NRXN3: variants seen among roughly 807,000 people sequenced by gnomAD.
The protein encoded by NRXN3 is neurexin III.
NRXN3 carries 32 observed loss-of-function variants against 137.6 expected under a neutral mutation model. The observed-to-expected ratio is 0.23, with a 90% CI of 0.18 to 0.31. The LOEUF is 0.31. Among genes scored for constraint, NRXN3 ranks in the 10% least tolerant of loss-of-function variants. The pLI is 1.00. For synonymous variants in NRXN3, 798 were observed against 784.5 expected (o/e 1.02, Z -0.29); for missense variants, 1,574 against 2,062.5 (o/e 0.76, Z 4.59).
intron 17 of NRXN3, among the ~76,000 whole-genome samples, chr14:79,677,920 T>C (rs919702412): frequency 3.9e-5 from 6 of 152,160 alleles, no homozygotes; most frequent in South Asian, 4.1e-4. Flanking sequence ...TGGTTGTAGG[T>C]ATCATTGATG....
chr14:78,375,262 C>T (rs1597941980), intron 4 of NRXN3, among the ~76,000 whole-genome samples: 1 of 152,144 alleles, frequency 6.6e-6, no homozygotes. Flanking sequence ...AAAAACTTTG[C>T]CTCTTTGCAA....
At position 79,348,672 on chromosome 14, in the gene NRXN3, C is replaced by T. The variant is rs74248992; in HGVS notation, c.3263-118549C>T. 8.1e-3 allele frequency among the ~76,000 whole-genome samples: 1,237 copies of T among 152,252 alleles called. 24 individuals carry two copies. The South Asian group carries it at 0.082, about 10-fold the overall frequency. ...GATTACAGGCGTAAGCCACCGCGCC[C>T]GGCCTAATCTTCTTAATTTGTCACT... On this transcript the variant is annotated intron_variant, in intron 15 of 20. Transcript: ENST00000335750.
chr14:79,281,505 A>T (rs1486164513), intron 15 of NRXN3, among the ~76,000 whole-genome samples: 1 of 152,108 alleles, frequency 6.6e-6, no homozygotes, highest in Non-Finnish European at 1.5e-5. Context: ...TTTGTTTACT[A>T]TGCACTCCAC....
At chr14:79,714,950 CT>C (rs1241924474) in intron 19 of NRXN3, among the ~76,000 whole-genome samples, 5 of 151,952 alleles carry the variant, frequency 3.3e-5, no homozygotes, top group Non-Finnish European at 7.4e-5. Context: ...AAATCCTTTT[CT>C]TTTTTTTCTT....
intron 16 of NRXN3, among the ~76,000 whole-genome samples, chr14:79,498,247 G>T (rs1366367848): frequency 6.6e-6 from 1 of 152,080 alleles, no homozygotes; most frequent in African/African-American, 2.4e-5. Flanking sequence ...TTACTCCTGG[G>T]AACTATTAAC....
At chr14:79,566,785 A>G (rs1056588714) in intron 16 of NRXN3, among the ~76,000 whole-genome samples, 1 of 151,932 alleles carries the variant, frequency 6.6e-6, no homozygotes, top group Non-Finnish European at 1.5e-5. Flanking sequence ...TCTGTAAAAA[A>G]TCACTTAGTT....
At chr14:78,538,047 G>A (rs2096553299) in intron 4 of NRXN3, among the ~76,000 whole-genome samples, 1 of 152,156 alleles carries the variant, frequency 6.6e-6, no homozygotes, top group African/African-American at 2.4e-5. Flanking sequence ...GTAGCATGAT[G>A]CTTCCAGCTT....
At position 79,862,882 on chromosome 14, in the gene NRXN3, G is replaced by A. The variant is rs148494262; in HGVS notation, c.*918G>A. On this transcript the variant is annotated 3_prime_UTR_variant, in exon 21 of 21. Coordinates refer to ENST00000335750, the MANE Select transcript of NRXN3 (RefSeq NM_001330195.2). ...GTGTTATCAGAGCTATTGGCTTTAC[G>A]TAACAATATTGTTCCTGTCCATTCA... 3.0e-3 allele frequency: 450 copies of A among 152,514 alleles called. 5 individuals carry two copies. Among genetic ancestry groups the A allele is most frequent in the Non-Finnish European group, 1.9e-3 (129 of 68,018 alleles). The allele number at this position is 152,514 out of a possible 1,614,324, so 9.4% of individuals were successfully genotyped here. A position where few individuals can be genotyped will look rare whatever the true frequency, so the allele number is the denominator to read the frequency against.
chr14:79,143,410 T>C (rs1343890048), intron 15 of NRXN3, among the ~76,000 whole-genome samples: 1 of 152,210 alleles, frequency 6.6e-6, no homozygotes, highest in Non-Finnish European at 1.5e-5. Flanking sequence ...GGAGGGGGCA[T>C]TGCAGCATCT....
chr14:78,210,259 A>G (rs1595932596), intron 1 of NRXN3, among the ~76,000 whole-genome samples: 1 of 152,188 alleles, frequency 6.6e-6, no homozygotes, highest in Non-Finnish European at 1.5e-5. Context: ...GGTGTCTTCA[A>G]TGTGTGCTCA....
intron 20 of NRXN3, among the ~76,000 whole-genome samples, chr14:79,809,696 T>C (rs943516742): frequency 3.3e-5 from 5 of 152,250 alleles, no homozygotes; most frequent in African/African-American, 7.2e-5. Context: ...ATGTTAATTG[T>C]GTTCTTCACA....
intron 15 of NRXN3, among the ~76,000 whole-genome samples, chr14:79,065,251 A>G (rs145703445): frequency 6.6e-6 from 1 of 152,228 alleles, no homozygotes; most frequent in African/African-American, 2.4e-5. Context: ...CTTCAGACGG[A>G]TAACATTTGA....
At chr14:78,250,822 G>A (rs2068498199) in intron 2 of NRXN3, among the ~76,000 whole-genome samples, 2 of 152,150 alleles carry the variant, frequency 1.3e-5, no homozygotes, top group Admixed American at 1.3e-4. Context: ...AAACTCAAAT[G>A]GCCTGTGTCT....
At chr14:78,814,811 C>T (rs927076044) in intron 10 of NRXN3, among the ~76,000 whole-genome samples, 9 of 152,026 alleles carry the variant, frequency 5.9e-5, no homozygotes, top group African/African-American at 2.2e-4. Context: ...GACTTTTTGT[C>T]TTTGACCTTG....
At chr14:78,563,908 A>T (rs1019938993) in intron 4 of NRXN3, among the ~76,000 whole-genome samples, 1 of 152,134 alleles carries the variant, frequency 6.6e-6, no homozygotes. Context: ...GAACTGGAAG[A>T]TGTTTCCATT....
chr14:79,303,638 T>TG (rs1416191116), intron 15 of NRXN3, among the ~76,000 whole-genome samples: 4 of 151,636 alleles, frequency 2.6e-5, no homozygotes, highest in Admixed American at 2.6e-4. Flanking sequence ...TTGTTGGGGG[T>TG]GGGGGGCTAA....
chr14:79,216,556 A>G (rs1322237332), intron 15 of NRXN3, among the ~76,000 whole-genome samples: 1 of 152,168 alleles, frequency 6.6e-6, no homozygotes, highest in Admixed American at 6.5e-5. Context: ...TCATCTTATA[A>G]AAGTAAAAAA....
intron 19 of NRXN3, among the ~76,000 whole-genome samples, chr14:79,767,319 T>A (rs1294170629): frequency 6.6e-6 from 1 of 152,230 alleles, no homozygotes; most frequent in African/African-American, 2.4e-5. Context: ...TTGCATGTGC[T>A]GTTTATATGA....
intron 6 of NRXN3, among the ~76,000 whole-genome samples, chr14:78,693,587 C>A (rs543364248): frequency 8.0e-5 from 12 of 150,506 alleles, no homozygotes; most frequent in Non-Finnish European, 1.8e-4. Context: ...ATAATAATTC[C>A]TTTCAAAGTA....
Sources: allele counts gnomAD v4.1 joint callset (sites outside exome capture counted in the v4.1 genomes callset), GRCh38; gene constraint gnomAD v4.1.1; transcripts MANE v1.5; gene names NCBI Gene and HGNC (gene_info 2026-07-23, HGNC 2026-07-21).